SYNE2: variants seen among roughly 807,000 people sequenced by gnomAD.
SYNE2 encodes spectrin repeat containing nuclear envelope protein 2, also known as nesprin-2.
Under a neutral mutation model 856.3 loss-of-function variants are expected in SYNE2, and 431 were observed. The observed-to-expected ratio is 0.50, with a 90% CI of 0.47 to 0.55. The LOEUF (loss-of-function observed/expected upper bound fraction) is 0.55. SYNE2 is among the 20% of genes least tolerant of loss of function. The pLI is 0.00. For missense variants in SYNE2, 8,129 were observed against 8,023.2 expected (o/e 1.01, Z -0.50); for synonymous variants, 2,923 against 2,872.3 (o/e 1.02, Z -0.56).
chr14:63,919,790 C>T (rs140715658), intron 2 of SYNE2, among the ~76,000 whole-genome samples: 53 of 152,196 alleles, frequency 3.5e-4, no homozygotes, highest in African/African-American at 1.2e-3. Flanking sequence ...CACTGGATTG[C>T]GCTCCTAAGA....
Position 64,052,671 on chromosome 14 carries a change from CT to C in SYNE2, c.8760del (p.Lys2921ArgfsTer22). The stretch of plus-strand genomic sequence containing the variant: ...ATTTCTGGAAGATCAGTTGAAAAAT[CT>C]TAAGATTAGGACCAACAGAATACAA... ...RLFLEDQLKNLKIRTNRIQRF... is the reference protein window; with the variant it reads ...RLFLEDQLKNXKIRTNRIQRF... On this transcript the variant is annotated frameshift_variant, in exon 48 of 116. Transcript: ENST00000555002. LOFTEE classifies it high-confidence loss of function. 6.2e-7 allele frequency: 1 copy of C among 1,613,842 alleles called. No homozygotes were observed. The highest frequency in any genetic ancestry group is 8.5e-7 in the Non-Finnish European group (1 of 1,179,900).
intron 2 of SYNE2, among the ~76,000 whole-genome samples, chr14:63,919,971 A>ATTTTTTTTTTTT (rs2095577326): frequency 1.1e-5 from 1 of 94,566 alleles, no homozygotes; most frequent in African/African-American, 7.1e-5. Context: ...ATAAAAGGTA[A>ATTTTTTTTTTTT]GTTTTTTTTT....
intron 10 of SYNE2, among the ~76,000 whole-genome samples, chr14:63,964,546 C>T (rs974977926): frequency 6.6e-5 from 10 of 151,604 alleles, no homozygotes; most frequent in Admixed American, 2.6e-4. Flanking sequence ...TTTTTCGAGA[C>T]GGAGTTTTGC....
intron 18 of SYNE2, among the ~76,000 whole-genome samples, chr14:63,984,238 C>T (rs1333566692): frequency 6.6e-6 from 1 of 151,850 alleles, no homozygotes; most frequent in Non-Finnish European, 1.5e-5. Context: ...AGTAAGACTC[C>T]CGTCTCAAAA....
intron 45 of SYNE2, among the ~76,000 whole-genome samples, chr14:64,046,691 C>G (rs1567145856): frequency 6.6e-6 from 1 of 152,152 alleles, no homozygotes; most frequent in East Asian, 1.9e-4. Context: ...TTTCTCAGCC[C>G]CTTCACCAGA....
intron 60 of SYNE2, among the ~76,000 whole-genome samples, chr14:64,091,764 C>T (rs894724949): frequency 3.9e-5 from 6 of 152,174 alleles, no homozygotes; most frequent in African/African-American, 1.2e-4. Context: ...CCCACAAGAA[C>T]AGAAAGTTGC....
At chr14:64,197,634 G>T (rs1442859057) in intron 99 of SYNE2, among the ~76,000 whole-genome samples, 1 of 152,070 alleles carries the variant, frequency 6.6e-6, no homozygotes, top group Non-Finnish European at 1.5e-5. Flanking sequence ...GAATTTTTTT[G>T]TTCACTTAGA....
intron 2 of SYNE2, among the ~76,000 whole-genome samples, chr14:63,939,458 C>T (rs537223539): frequency 4.6e-5 from 7 of 151,982 alleles, no homozygotes; most frequent in Admixed American, 6.5e-5. Context: ...AATGATTCTC[C>T]GGCCTCAGCC....
At chr14:64,154,277 T>A (rs939015851) in intron 85 of SYNE2, among the ~76,000 whole-genome samples, 1 of 151,346 alleles carries the variant, frequency 6.6e-6, no homozygotes, top group Non-Finnish European at 1.5e-5. Context: ...TTACCTAGAA[T>A]GACACCAAAA....
At position 63,942,077 on chromosome 14, in the gene SYNE2, T is replaced by C. The variant is rs745921023; in HGVS notation, c.342T>C (p.Thr114=). ...TTAAGCTAATAAATATTCATGTTAC[T>C]GATATCATTGATGGAAACCCATCCA... ...RSIKLINIHV[T]DIIDGNPSII... is the part of the protein sequence containing the mutation. Residue 114 remains threonine (T), a synonymous_variant, in exon 6 of 116, where the codon ACT becomes ACC. Transcript: ENST00000555002. 1 of 1,611,352 alleles carries C rather than the reference T, an allele frequency of 6.2e-7. No individual in the cohort carries two copies. Among genetic ancestry groups the C allele is most frequent in the Non-Finnish European group, 8.5e-7 (1 of 1,177,996 alleles).
intron 1 of SYNE2, among the ~76,000 whole-genome samples, chr14:63,795,711 C>T (rs931984870): frequency 6.6e-6 from 1 of 152,082 alleles, no homozygotes; most frequent in African/African-American, 2.4e-5. Flanking sequence ...TGAATGTTCA[C>T]AGCAGTGTGA....
At chr14:64,122,228 T>A (rs1431584239) in intron 69 of SYNE2, 58 bp from the exon 70 acceptor site, 2 of 1,613,976 alleles carry the variant, frequency 1.2e-6, no homozygotes, top group African/African-American at 2.7e-5. Flanking sequence ...GAACTGTGAA[T>A]GTAATACAAA....
chr14:63,867,531 C>G (rs185295905), intron 1 of SYNE2, among the ~76,000 whole-genome samples: 1 of 151,772 alleles, frequency 6.6e-6, no homozygotes, highest in Non-Finnish European at 1.5e-5. Flanking sequence ...AACCTTGTCT[C>G]TACTAAAAAT....
chr14:64,089,159 A>C (rs976480699), intron 58 of SYNE2, among the ~76,000 whole-genome samples: 5 of 152,228 alleles, frequency 3.3e-5, no homozygotes, highest in African/African-American at 9.6e-5. Context: ...TGCGGTCAGG[A>C]GTTGGAGACC....
chr14:64,142,044 C>T lies in SYNE2; in HGVS notation c.15262C>T (p.Pro5088Ser). 6.2e-7 allele frequency: 1 copy of T among 1,614,020 alleles called. No homozygotes were observed. Among genetic ancestry groups the T allele is most frequent in the East Asian group, 2.2e-5 (1 of 44,844 alleles). Residue 5088 changes from proline to serine, a missense_variant, in exon 82 of 116, where the codon CCA becomes TCA. Pro to Ser is a moderately conservative substitution (Grantham distance 74). Coordinates refer to ENST00000555002, the MANE Select transcript of SYNE2 (RefSeq NM_182914.3). The part of the protein sequence containing the change: ...QTSDEDSVHS[P>S]SSASQVKHLL... ...TTCAGATGAAGACTCCGTGCATTCACCAAGTTCTGCATCTCAAGTTAAACA... is the reference window on the plus strand; with the variant it reads ...TTCAGATGAAGACTCCGTGCATTCATCAAGTTCTGCATCTCAAGTTAAACA...
intron 1 of SYNE2, among the ~76,000 whole-genome samples, chr14:63,788,717 A>T (rs1193108948): frequency 6.6e-6 from 1 of 152,204 alleles, no homozygotes. Context: ...GCACCTCCCC[A>T]CTGCCTGGCT....
At chr14:63,769,543 C>T (rs865809639) in intron 1 of SYNE2, among the ~76,000 whole-genome samples, 1 of 152,014 alleles carries the variant, frequency 6.6e-6, no homozygotes, top group African/African-American at 2.4e-5. Context: ...TGGCGGGCGC[C>T]GGTAGTCCCA....
rs1468484964 is a variant in SYNE2, at chr14:64,027,664, G to A, written c.6585G>A (p.Leu2195=). 1.1e-5 allele frequency: 18 copies of A among 1,613,968 alleles called. No homozygotes were observed. Among genetic ancestry groups the A allele is most frequent in the Non-Finnish European group, 1.5e-5 (18 of 1,180,022 alleles). ...AATTCCTCAAGAAAGCCCAAGATTTGACATCCTTGCTAAAGGAGTTAAAAT... is the reference window on the plus strand; with the variant it reads ...AATTCCTCAAGAAAGCCCAAGATTTAACATCCTTGCTAAAGGAGTTAAAAT... ...YKKFLKKAQD[L]TSLLKELKSQ... The change falls in exon 43 of 116, where the codon TTG becomes TTA. Residue 2195 remains leucine, a synonymous_variant. Coordinates refer to ENST00000555002, the MANE Select transcript of SYNE2 (RefSeq NM_182914.3).
chr14:64,219,817 A>T (rs1209917485), intron 110 of SYNE2, among the ~76,000 whole-genome samples: 2 of 152,206 alleles, frequency 1.3e-5, no homozygotes, highest in Non-Finnish European at 2.9e-5. Context: ...TTGGGAAAGG[A>T]CCGGCTCACC....
Sources: gnomAD v4.1 joint callset for allele counts (sites outside exome capture counted in the v4.1 genomes callset) on GRCh38, gnomAD v4.1.1 for gene constraint, MANE v1.5 for transcripts, NCBI Gene and HGNC (gene_info 2026-07-23, HGNC 2026-07-21) for gene names.